GPRC6A: variants seen among roughly 807,000 people sequenced by gnomAD.
The protein encoded by GPRC6A is G protein-coupled receptor class C group 6 member A.
Under a neutral mutation model 47.0 loss-of-function variants are expected in GPRC6A, and 54 were observed. The observed-to-expected ratio is 1.15, with a 90% confidence interval of 0.92 to 1.44. The LOEUF is 1.44. GPRC6A is among the 40% of genes most tolerant of loss of function. GPRC6A has a pLI of 0.00. For synonymous variants in GPRC6A, 347 were observed against 377.1 expected (o/e 0.92, Z 0.93); for missense variants, 1,112 against 1,105.5 (o/e 1.01, Z -0.08).
chr6:116,828,797 C>G (rs935685154), intron 1 of GPRC6A, 23 bp downstream of exon 1: 1 of 1,588,274 alleles, frequency 6.3e-7, no homozygotes. Flanking sequence ...GAAATCTAAA[C>G]GTGTTTTTTG....
chr6:116,816,832 C>G (rs1773229364), intron 1 of GPRC6A, among the ~76,000 whole-genome samples: 1 of 152,224 alleles, frequency 6.6e-6, no homozygotes, highest in Non-Finnish European at 1.5e-5. Flanking sequence ...TTCTGACAGG[C>G]TTAAAAAACG....
At chr6:116,813,306 C>A (rs1213805636) in intron 1 of GPRC6A, among the ~76,000 whole-genome samples, 1 of 152,114 alleles carries the variant, frequency 6.6e-6, no homozygotes, top group Admixed American at 6.6e-5. Flanking sequence ...CCAAGATAAT[C>A]CTAAGCAAAA....
intron 1 of GPRC6A, among the ~76,000 whole-genome samples, chr6:116,818,425 T>A (rs1312906273): frequency 1.4e-5 from 2 of 139,864 alleles, no homozygotes; most frequent in Admixed American, 1.4e-4. Flanking sequence ...TCCCAGCTAC[T>A]TGGGAGGCTG....
In GPRC6A at chr6:116,828,802, T is replaced by G. The variant is rs1773750452; in HGVS notation, c.194+18A>C. ...TGACAATCTTGAAATCTAAACGTGT[T>G]TTTTGAGACTTACTCACCCAACACA... On this transcript the variant is annotated intron_variant, in intron 1 of 5. Coordinates refer to ENST00000310357, the MANE Select transcript of GPRC6A (RefSeq NM_148963.4). 9.4e-6 allele frequency: 15 copies of G among 1,595,460 alleles called. No individual in the cohort carries two copies. The highest frequency in any genetic ancestry group is 1.3e-5 in the African/African-American group (1 of 74,440).
intron 3 of GPRC6A, 115 bp from the exon 4 acceptor site, chr6:116,800,911 A>G (rs1338817655): frequency 1.5e-6 from 1 of 660,084 alleles, no homozygotes; most frequent in East Asian, 2.7e-5. Flanking sequence ...GGGAAAAAAG[A>G]TTATAAATCA....
chr6:116,818,131 G>A (rs1773295526), intron 1 of GPRC6A, among the ~76,000 whole-genome samples: 1 of 152,194 alleles, frequency 6.6e-6, no homozygotes, highest in African/African-American at 2.4e-5. Flanking sequence ...CAGCCAGAGA[G>A]AAAGGTTGGG....
At chr6:116,818,907 A>T (rs1364228063) in intron 1 of GPRC6A, among the ~76,000 whole-genome samples, 1 of 152,142 alleles carries the variant, frequency 6.6e-6, no homozygotes, top group Non-Finnish European at 1.5e-5. Flanking sequence ...AAAGACACAG[A>T]CTGGCAGATT....
At chr6:116,812,926 C>G (rs1773075326) in intron 1 of GPRC6A, among the ~76,000 whole-genome samples, 1 of 152,178 alleles carries the variant, frequency 6.6e-6, no homozygotes, top group East Asian at 1.9e-4. Flanking sequence ...AATACAAAAT[C>G]AATGTGCAAA....
At chr6:116,802,205 C>T (rs1446691501) in intron 3 of GPRC6A, among the ~76,000 whole-genome samples, 1 of 152,074 alleles carries the variant, frequency 6.6e-6, no homozygotes, top group Non-Finnish European at 1.5e-5. Context: ...TATGCTTGCT[C>T]TTACAGGAAA....
intron 1 of GPRC6A, among the ~76,000 whole-genome samples, chr6:116,810,402 T>A (rs1198280128): frequency 1.3e-5 from 2 of 152,084 alleles, no homozygotes; most frequent in Non-Finnish European, 2.9e-5. Context: ...CATGTTTAGA[T>A]GGTTCTATCT....
At chr6:116,828,736 A>T in intron 1 of GPRC6A, 84 bp downstream of exon 1, 1 of 1,084,864 alleles carries the variant, frequency 9.2e-7, no homozygotes, top group Non-Finnish European at 1.3e-6. Flanking sequence ...TAAATGATTT[A>T]GATATTAATA....
Position 116,817,023 on chromosome 6 carries a change from G to T in GPRC6A, c.195-7406C>A, listed in dbSNP as rs561408191. On this transcript the variant is annotated intron_variant, in intron 1 of 5. Coordinates refer to ENST00000310357, the MANE Select transcript of GPRC6A (RefSeq NM_148963.4). ...AAAGCAGCCGGGAAGCTTGAACTGGGTGGAGCCCACCACAGCTCAAGGAGG... is the reference window on the plus strand; with the variant it reads ...AAAGCAGCCGGGAAGCTTGAACTGGTTGGAGCCCACCACAGCTCAAGGAGG... Among the ~76,000 whole-genome samples, 11 of 152,328 alleles carry T rather than the reference G, an allele frequency of 7.2e-5. No homozygotes were observed. In the South Asian group the frequency reaches 2.3e-3, roughly 32 times the overall value.
chr6:116,814,436 A>G (rs753223284), intron 1 of GPRC6A, among the ~76,000 whole-genome samples: 4 of 152,202 alleles, frequency 2.6e-5, no homozygotes, highest in Non-Finnish European at 5.9e-5. Flanking sequence ...AAAAAGGATG[A>G]GTTCATGTCC....
chr6:116,814,607 G>A (rs1473702214), intron 1 of GPRC6A, among the ~76,000 whole-genome samples: 1 of 152,162 alleles, frequency 6.6e-6, no homozygotes, highest in Non-Finnish European at 1.5e-5. Flanking sequence ...TTGTCATGTG[G>A]TGGGGGGATG....
At position 116,806,711 on chromosome 6, in the gene GPRC6A, T is replaced by C; in HGVS notation, c.994A>G (p.Asn332Asp). 6.2e-7 allele frequency: 1 copy of C among 1,612,810 alleles called. No individual in the cohort carries two copies. The highest frequency in any genetic ancestry group is 8.5e-7 in the Non-Finnish European group (1 of 1,179,050). ...KVVGFAFRRG[N>D]ISSFHSFLQN... ...AGAAAGGAATGGAAAGAGGATATAT[T>C]CCCTCTTCTAAAGGCAAACCCTACA... The change falls in exon 3 of 6, where the codon AAT becomes GAT. Residue 332 changes from asparagine to aspartate, a missense_variant. Coordinates refer to ENST00000310357, the MANE Select transcript of GPRC6A (RefSeq NM_148963.4).
Position 116,807,210 on chromosome 6 carries a change from G to T in GPRC6A, c.499-4C>A. ...CTGCAGTTGATTCATAACCCACCTG[G>T]AAATAGACAGAATATTTTAGTTATG... On this transcript the variant is annotated splice_polypyrimidine_tract_variant and splice_region_variant and intron_variant, in intron 2 of 5. Transcript: ENST00000310357. 1 of 1,557,206 alleles carries T rather than the reference G, an allele frequency of 6.4e-7. No homozygotes were observed. The highest frequency in any genetic ancestry group is 8.8e-7 in the Non-Finnish European group (1 of 1,132,116).
rs150897356 is a variant in GPRC6A, at chr6:116,802,368, C to T, written c.1336-1572G>A. On this transcript the variant is annotated intron_variant, in intron 3 of 5. Transcript: ENST00000310357. ...ATTTAAAAAAATTTTCATGGAGACT[C>T]TGAAATTCACTATCAATTGACACTA... 2.0e-5 allele frequency among the ~76,000 whole-genome samples: 3 copies of T among 152,228 alleles called. No homozygotes were observed. In the East Asian group the frequency reaches 5.8e-4, roughly 29 times the overall value.
rs369734914 is a variant in GPRC6A, at chr6:116,807,164, G to A, written c.541C>T (p.Arg181Cys). The A allele has an allele frequency of 8.2e-5, 133 of 1,613,158 alleles. 2 individuals carry two copies. In the South Asian group the frequency reaches 8.7e-4, roughly 11 times the overall value. The change falls in exon 3 of 6, where the codon CGC (arginine) becomes TGC (cysteine). Residue 181 changes from arginine (R) to cysteine (C), a missense_variant. By Grantham distance (180) the Arg-to-Cys change is radical. Transcript: ENST00000310357. ...ACAGTCCGTAAAAATGAAGGAAAGC[G>A]AATTTTGTCACTCAGGATTTCTGCA... ...STAEILSDKI[R>C]FPSFLRTVPS...
At chr6:116,794,253 A>G (rs182001897) in intron 5 of GPRC6A, among the ~76,000 whole-genome samples, 9 of 152,194 alleles carry the variant, frequency 5.9e-5, no homozygotes, top group Non-Finnish European at 1.3e-4. Context: ...CTGTTTATAA[A>G]CTTCATGACC....
Sources: gnomAD v4.1 joint callset for allele counts (sites outside exome capture counted in the v4.1 genomes callset) on GRCh38, gnomAD v4.1.1 for gene constraint, MANE v1.5 for transcripts, NCBI Gene and HGNC (gene_info 2026-07-23, HGNC 2026-07-21) for gene names.